The following CECR2 variants were observed in gnomAD, a reference collection of about 807,000 sequenced individuals.
CECR2 encodes the protein chromatin remodeling regulator CECR2.
CECR2 carries 30 observed loss-of-function variants against 154.5 expected under a neutral mutation model. The ratio of observed to expected loss-of-function variants is 0.19; its 90% CI spans 0.15 to 0.26. The LOEUF (loss-of-function observed/expected upper bound fraction) is 0.26. Among genes scored for constraint, CECR2 ranks in the 10% least tolerant of loss-of-function variants. The probability of loss-of-function intolerance (pLI) is 1.00; values close to 1 mark genes in which losing one functional copy is unlikely to be tolerated. For synonymous variants in CECR2, 725 were observed against 683.7 expected (o/e 1.06, Z -0.94); for missense variants, 1,743 against 1,829.3 (o/e 0.95, Z 0.86).
chr22:17,435,684 TAAAA>T (rs10694414), intron 1 of CECR2, among the ~76,000 whole-genome samples: 1,344 of 90,922 alleles, frequency 0.015, 27 homozygotes, highest in African/African-American at 0.051. Flanking sequence ...TTTTAATTCT[TAAAA>T]AAAAAAAAAA....
chr22:17,438,293 A>C (rs1379519265), intron 1 of CECR2, among the ~76,000 whole-genome samples: 10 of 152,176 alleles, frequency 6.6e-5, no homozygotes. Context: ...CCAGAACCTA[A>C]AGTTGTATAG....
chr22:17,498,066 C>T (rs1246798967), intron 3 of CECR2, among the ~76,000 whole-genome samples: 1 of 152,210 alleles, frequency 6.6e-6, no homozygotes, highest in Non-Finnish European at 1.5e-5. Context: ...ATCTCTCTGT[C>T]CCCCTTGGTG....
intron 1 of CECR2, among the ~76,000 whole-genome samples, chr22:17,439,461 A>G (rs1193051981): frequency 6.6e-6 from 1 of 152,172 alleles, no homozygotes; most frequent in African/African-American, 2.4e-5. Flanking sequence ...GGTTAATATT[A>G]TAATATACAA....
intron 1 of CECR2, among the ~76,000 whole-genome samples, chr22:17,377,478 G>A (rs1256837757): frequency 6.6e-6 from 1 of 151,442 alleles, no homozygotes; most frequent in African/African-American, 2.4e-5. Flanking sequence ...ACCCAGGCTG[G>A]ATTTGAACCC....
intron 1 of CECR2, chr22:17,424,813 T>C (rs941659439): frequency 6.6e-6 from 1 of 152,550 alleles, no homozygotes; most frequent in Non-Finnish European, 1.5e-5. Context: ...TACTGTTGTC[T>C]CCCTCTGGGC....
At chr22:17,546,760 T>G (rs1399577419) in intron 16 of CECR2, among the ~76,000 whole-genome samples, 1 of 151,596 alleles carries the variant, frequency 6.6e-6, no homozygotes, top group Non-Finnish European at 1.5e-5. Context: ...TTATTTTGGC[T>G]GGGCGCGGTG....
chr22:17,437,203 TC>T (rs2054519169), intron 1 of CECR2, among the ~76,000 whole-genome samples: 1 of 151,984 alleles, frequency 6.6e-6, no homozygotes, highest in Non-Finnish European at 1.5e-5. Flanking sequence ...GTCTTCCCCT[TC>T]CCCCTTGGCC....
At chr22:17,521,778 G>C (rs1667929976) in intron 8 of CECR2, among the ~76,000 whole-genome samples, 1 of 152,096 alleles carries the variant, frequency 6.6e-6, no homozygotes, top group South Asian at 2.1e-4. Flanking sequence ...TGTCTGTTTT[G>C]GCTTTTGTTG....
chr22:17,492,432 G>T (rs2055548457), intron 2 of CECR2, among the ~76,000 whole-genome samples: 1 of 152,202 alleles, frequency 6.6e-6, no homozygotes, highest in African/African-American at 2.4e-5. Flanking sequence ...CTTGAATCAG[G>T]TCGTGCCGTC....
chr22:17,492,616 G>A (rs1267246611), intron 2 of CECR2, among the ~76,000 whole-genome samples: 5 of 152,176 alleles, frequency 3.3e-5, no homozygotes, highest in African/African-American at 1.2e-4. Flanking sequence ...TTAAGAGCCA[G>A]TCTCTTACTG....
At chr22:17,360,405 G>A (rs1329822204) in intron 1 of CECR2, among the ~76,000 whole-genome samples, 1 of 152,204 alleles carries the variant, frequency 6.6e-6, no homozygotes, top group African/African-American at 2.4e-5. Context: ...CACTAGGCCG[G>A]GTGAAGTGGC....
In CECR2 at chr22:17,557,149, T is replaced by TC. The variant is rs1601226251; in HGVS notation, c.*4309_*4310insC. The TC allele has an allele frequency of 2.8e-5, 4 of 141,072 alleles. No individual in the cohort carries two copies. Among genetic ancestry groups the TC allele is most frequent in the African/African-American group, 8.3e-5 (3 of 36,012 alleles). The allele number at this position is 141,072 out of a possible 1,614,324, so 8.7% of individuals were successfully genotyped here. A position where few individuals can be genotyped will look rare whatever the true frequency, so the allele number is the denominator to read the frequency against. ...GCATCCCGTTTTTTTTCTTTTCTTT[T>TC]TTTTTTTTTTTTTTTTGAGACGAAA... On this transcript the variant is annotated 3_prime_UTR_variant, in exon 19 of 19. Transcript: ENST00000262608.
intron 1 of CECR2, among the ~76,000 whole-genome samples, chr22:17,450,690 A>G (rs1040931379): frequency 6.6e-6 from 1 of 152,258 alleles, no homozygotes; most frequent in African/African-American, 2.4e-5. Context: ...ATTTAATAAT[A>G]GTACATTACT....
chr22:17,471,064 C>T (rs750354935), intron 1 of CECR2, among the ~76,000 whole-genome samples: 1 of 152,178 alleles, frequency 6.6e-6, no homozygotes, highest in African/African-American at 2.4e-5. Context: ...CTGTAAGAGT[C>T]ATGCAAGTAT....
At chr22:17,380,187 ATAAG>A (rs1283900646) in intron 1 of CECR2, among the ~76,000 whole-genome samples, 3 of 152,140 alleles carry the variant, frequency 2.0e-5, no homozygotes, top group Non-Finnish European at 4.4e-5. Context: ...ATTTGTGTAA[ATAAG>A]TTGGTGTGAA....
intron 8 of CECR2, among the ~76,000 whole-genome samples, chr22:17,517,257 T>C (rs2056076247): frequency 6.6e-6 from 1 of 152,208 alleles, no homozygotes; most frequent in Non-Finnish European, 1.5e-5. Context: ...TCTCTCTTGC[T>C]TCGCTGTGCT....
At chr22:17,436,386 T>C (rs9306194) in intron 1 of CECR2, among the ~76,000 whole-genome samples, 19,115 of 152,250 alleles carry the variant, frequency 0.13, 1,386 homozygotes, top group South Asian at 0.25. Context: ...AGCAACAACA[T>C]TAGCTGTCTC....
At chr22:17,416,664 G>C (rs1601320531) in intron 1 of CECR2, among the ~76,000 whole-genome samples, 1 of 152,260 alleles carries the variant, frequency 6.6e-6, no homozygotes, top group East Asian at 1.9e-4. Flanking sequence ...ATCATGCCCA[G>C]CTAATTTTTG....
chr22:17,516,834 A>G (rs1288295056), intron 8 of CECR2, among the ~76,000 whole-genome samples: 2 of 151,062 alleles, frequency 1.3e-5, no homozygotes, highest in Non-Finnish European at 2.9e-5. Context: ...CCTCAGGTGA[A>G]ATGCCCGCCT....
Sources: gnomAD v4.1 joint callset for allele counts (sites outside exome capture counted in the v4.1 genomes callset) on GRCh38, gnomAD v4.1.1 for gene constraint, MANE v1.5 for transcripts, NCBI Gene and HGNC (gene_info 2026-07-23, HGNC 2026-07-21) for gene names.